C17orf99: variants seen among roughly 807,000 people sequenced by gnomAD.
The protein encoded by C17orf99 is chromosome 17 open reading frame 99.
In C17orf99, 18 loss-of-function variants were observed where a neutral mutation model predicts 22.6. The ratio of observed to expected loss-of-function variants is 0.80; its 90% CI spans 0.55 to 1.18. C17orf99 has a LOEUF of 1.18. C17orf99 is among the 50% of genes most tolerant of loss of function. The probability of loss-of-function intolerance (pLI) is 0.00; values close to 1 mark genes in which losing one functional copy is unlikely to be tolerated. For missense variants in C17orf99, 328 were observed against 342.7 expected (o/e 0.96, Z 0.34); for synonymous variants, 147 against 136.6 (o/e 1.08, Z -0.53).
Position 78,162,882 on chromosome 17 carries a change from T to C in C17orf99, c.371-1213T>C, listed in dbSNP as rs1240621504. 1.2e-4 allele frequency among the ~76,000 whole-genome samples: 18 copies of C among 152,264 alleles called. 1 individual carries two copies. Among genetic ancestry groups the C allele is most frequent in the Admixed American group, 2.6e-4 (4 of 15,278 alleles). ...CTCACCGCAACCTCCGCCTCCCAGATTCAAGCGATTCTCCTGCCTCAGCCT... is the reference window on the plus strand; with the variant it reads ...CTCACCGCAACCTCCGCCTCCCAGACTCAAGCGATTCTCCTGCCTCAGCCT... On this transcript the variant is annotated intron_variant, in intron 3 of 4. Coordinates refer to ENST00000340363, the MANE Select transcript of C17orf99 (RefSeq NM_001163075.2).
In C17orf99 at chr17:78,146,438, G is replaced by A. The variant is rs955654857; in HGVS notation, c.31G>A (p.Val11Met). 1.3e-5 allele frequency: 20 copies of A among 1,550,126 alleles called. No homozygotes were observed. The highest frequency in any genetic ancestry group is 1.2e-4 in the African/African-American group (9 of 72,964). MGLPGLFCLA[V>M]LAASSFSKAR... ...GCTCCCTGGGCTGTTCTGCTTGGCCGTGCTGGGTGAGTCCACCAGGGACGT... is the reference window on the plus strand; with the variant it reads ...GCTCCCTGGGCTGTTCTGCTTGGCCATGCTGGGTGAGTCCACCAGGGACGT... Residue 11 changes from valine to methionine, a missense_variant, in exon 1 of 5, where the codon GTG becomes ATG. By Grantham distance (21) the Val-to-Met change is conservative. Transcript: ENST00000340363. The surrounding 1 kb of genome is among the most constrained non-coding windows in gnomAD (Gnocchi z 5.2).
At chr17:78,153,918 C>CT (rs532705146) in intron 2 of C17orf99, among the ~76,000 whole-genome samples, 4,207 of 79,364 alleles carry the variant, frequency 0.053, 284 homozygotes, top group East Asian at 0.17. Context: ...AGTATTCCTT[C>CT]TTTTTTTTTT....
At chr17:78,153,749 G>A (rs1297857552) in intron 2 of C17orf99, among the ~76,000 whole-genome samples, 1 of 152,144 alleles carries the variant, frequency 6.6e-6, no homozygotes, top group East Asian at 1.9e-4. Flanking sequence ...TCTGGACCAT[G>A]AAGAGAAGGC....
intron 3 of C17orf99, among the ~76,000 whole-genome samples, chr17:78,162,405 A>C (rs1370691662): frequency 6.7e-6 from 1 of 150,360 alleles, no homozygotes; most frequent in East Asian, 2.0e-4. Context: ...AACTCAGGTA[A>C]CCTTCTTGGT....
At chr17:78,147,162 C>G (rs780799974) in intron 2 of C17orf99, among the ~76,000 whole-genome samples, 10 of 152,316 alleles carry the variant, frequency 6.6e-5, no homozygotes, top group South Asian at 2.1e-4. Context: ...CAGCTTCCAG[C>G]CTTTGGCTGG....
rs1019858160 is a variant in C17orf99 at position 78,146,797 on chromosome 17, C to A, written c.38-82C>A. ...GAATCAGCCTGCTCCTCCCTCCTGG[C>A]TTCAGCAGGTGGGTCTCGAGGCTGT... On this transcript the variant is annotated intron_variant, in intron 1 of 4. Transcript: ENST00000340363. This position sits in a 1 kb window ranked among gnomAD's most constrained non-coding sequence, Gnocchi z 5.2. 6 of 1,344,754 alleles carry A rather than the reference C, an allele frequency of 4.5e-6. No individual in the cohort carries two copies. The highest frequency in any genetic ancestry group is 6.2e-6 in the Non-Finnish European group (6 of 960,720). 83.3% of individuals were successfully genotyped at this position (1,344,754 alleles called of 1,614,324 possible). A position where few individuals can be genotyped will look rare whatever the true frequency, so the allele number is the denominator to read the frequency against.
intron 2 of C17orf99, among the ~76,000 whole-genome samples, chr17:78,160,590 CT>C (rs1333965815): frequency 1.3e-5 from 2 of 149,074 alleles, no homozygotes; most frequent in East Asian, 4.0e-4. Context: ...CATCCTTTTT[CT>C]TTTTTTCCTG....
intron 4 of C17orf99, chr17:78,164,952 G>C (rs947411059): frequency 2.6e-6 from 3 of 1,147,246 alleles, no homozygotes; most frequent in Non-Finnish European, 3.2e-6. Flanking sequence ...AGTCTCCTAA[G>C]TTCTTTATGG....
chr17:78,162,261 G>T (rs186895032), intron 3 of C17orf99, among the ~76,000 whole-genome samples: 3 of 137,272 alleles, frequency 2.2e-5, no homozygotes, highest in Non-Finnish European at 3.0e-5. Context: ...GGGTGACAGC[G>T]TAAGACTATC....
At chr17:78,163,388 A>C (rs972213493) in intron 3 of C17orf99, among the ~76,000 whole-genome samples, 1 of 152,264 alleles carries the variant, frequency 6.6e-6, no homozygotes, top group African/African-American at 2.4e-5. Context: ...AGAATCTTCT[A>C]CATGACAGTT....
At chr17:78,157,028 A>G (rs560318456) in intron 2 of C17orf99, among the ~76,000 whole-genome samples, 2 of 145,708 alleles carry the variant, frequency 1.4e-5, no homozygotes, top group South Asian at 4.4e-4. Context: ...CAAAAAGTCA[A>G]CCATTTAAAA....
intron 2 of C17orf99, among the ~76,000 whole-genome samples, chr17:78,152,752 A>C (rs73375767): frequency 5.3e-5 from 8 of 150,768 alleles, no homozygotes; most frequent in East Asian, 2.0e-4. Context: ...GGATTATAGG[A>C]GTGAGCCACC....
At chr17:78,153,915 C>G (rs1213464267) in intron 2 of C17orf99, among the ~76,000 whole-genome samples, 1 of 136,622 alleles carries the variant, frequency 7.3e-6, no homozygotes, top group Non-Finnish European at 1.5e-5. Context: ...AAAAGTATTC[C>G]TTCTTTTTTT....
In C17orf99 at chr17:78,161,267, G is replaced by A. The variant is rs12951279; in HGVS notation, c.370+13G>A. The A allele has an allele frequency of 0.12, 188,455 of 1,548,390 alleles. 12,729 individuals carry two copies. The highest frequency in any genetic ancestry group is 0.25 in the East Asian group (10,015 of 40,874). ...GAGCTGTGGTCCAGTGAGTGCGGTG[G>A]GGGGCACAGGGCTGAGGAGGCAGGT... On this transcript the variant is annotated intron_variant, in intron 3 of 4. Transcript: ENST00000340363.
intron 2 of C17orf99, among the ~76,000 whole-genome samples, chr17:78,153,362 G>A (rs1232765770): frequency 6.6e-6 from 1 of 152,054 alleles, no homozygotes; most frequent in Non-Finnish European, 1.5e-5. Flanking sequence ...GTGCATGCCT[G>A]TAATCCCAGC....
chr17:78,152,236 T>G (rs538116958), intron 2 of C17orf99, among the ~76,000 whole-genome samples: 4 of 152,242 alleles, frequency 2.6e-5, no homozygotes, highest in Non-Finnish European at 5.9e-5. Flanking sequence ...TGGAGTGCAG[T>G]GGCGCGATTA....
chr17:78,158,899 G>A (rs2075550328), intron 2 of C17orf99: 1 of 162,152 alleles, frequency 6.2e-6, no homozygotes. Flanking sequence ...CTGGTCCCCT[G>A]TTACCCATAG....
At chr17:78,147,418 A>G (rs1395933976) in intron 2 of C17orf99, among the ~76,000 whole-genome samples, 1 of 152,154 alleles carries the variant, frequency 6.6e-6, no homozygotes, top group African/African-American at 2.4e-5. Flanking sequence ...TGCCTTCCTT[A>G]TAGAGGCAGG....
At chr17:78,158,456 G>A (rs1279336604) in intron 2 of C17orf99, 2 of 205,948 alleles carry the variant, frequency 9.7e-6, no homozygotes, top group South Asian at 7.0e-5. Context: ...TGCCACGCCC[G>A]GCTAATTTTT....
Sources: gnomAD v4.1 joint callset for allele counts (sites outside exome capture counted in the v4.1 genomes callset) on GRCh38, gnomAD v4.1.1 for gene constraint, Gnocchi (gnomAD v3.1) non-coding constraint, MANE v1.5 for transcripts, NCBI Gene and HGNC (gene_info 2026-07-23, HGNC 2026-07-21) for gene names.